PREPL: variants seen among roughly 807,000 people sequenced by gnomAD.
The protein encoded by PREPL is prolyl endopeptidase-like.
A neutral mutation model predicts 70.6 loss-of-function variants in PREPL; 77 were observed. That is an observed-to-expected ratio of 1.09 (90% CI 0.91 to 1.32). The LOEUF is 1.32. Among genes scored for constraint, PREPL ranks in the 40% most tolerant of loss-of-function variants. PREPL has a pLI of 0.00. For synonymous variants in PREPL, 315 were observed against 264.8 expected (o/e 1.19, Z -1.84); for missense variants, 1,002 against 778.2 (o/e 1.29, Z -3.42).
chr2:44,345,214 T>TA (rs112707816), intron 2 of PREPL, among the ~76,000 whole-genome samples: 7 of 152,318 alleles, frequency 4.6e-5, no homozygotes, highest in African/African-American at 1.7e-4. Flanking sequence ...TTCAGTGGCT[T>TA]ACGTTTATTA....
At chr2:44,351,625 CT>C (rs1490428207) in intron 1 of PREPL, among the ~76,000 whole-genome samples, 1 of 152,054 alleles carries the variant, frequency 6.6e-6, no homozygotes, top group East Asian at 1.9e-4. Flanking sequence ...TTGGATTTGT[CT>C]TTTTCTCTTG....
At position 44,339,465 on chromosome 2, in the gene PREPL, T is replaced by C. The variant is rs924265306; in HGVS notation, c.486-102A>G. On this transcript the variant is annotated intron_variant, in intron 5 of 13. Coordinates refer to ENST00000409411, the MANE Select transcript of PREPL (RefSeq NM_001171613.2). Reference sequence around the variant, plus strand: ...GGTGGTCAGTATACATGTTGATTTATAATGCAGATAGGAAATTAAAATAAT... The same window carrying C: ...GGTGGTCAGTATACATGTTGATTTACAATGCAGATAGGAAATTAAAATAAT... 8 of 1,447,530 alleles carry C rather than the reference T, an allele frequency of 5.5e-6. No homozygotes were observed. The African/African-American group carries it at 1.0e-4, about 18-fold the overall frequency. 89.7% of individuals were successfully genotyped at this position (1,447,530 alleles called of 1,614,324 possible). A position where few individuals can be genotyped will look rare whatever the true frequency, so the allele number is the denominator to read the frequency against.
In PREPL at chr2:44,320,873, G is replaced by GATGAC. The variant is rs1435586580; in HGVS notation, c.*478_*482dup. 1.3e-5 allele frequency: 7 copies of GATGAC among 546,466 alleles called. No individual in the cohort carries two copies. The African/African-American group carries it at 1.3e-4, about 10-fold the overall frequency. The allele number at this position is 546,466 out of a possible 1,614,324, so 33.9% of individuals were successfully genotyped here. A position where few individuals can be genotyped will look rare whatever the true frequency, so the allele number is the denominator to read the frequency against. ...CTTTATTCAGATAGCATCAATCAGGGATGACCAGAACACATTAGGACCCCA... is the reference window on the plus strand; with the variant it reads ...CTTTATTCAGATAGCATCAATCAGGGATGACATGACCAGAACACATTAGGACCCCA... On this transcript the variant is annotated 3_prime_UTR_variant, in exon 14 of 14. Coordinates refer to ENST00000409411, the MANE Select transcript of PREPL (RefSeq NM_001171613.2).
intron 9 of PREPL, among the ~76,000 whole-genome samples, chr2:44,328,423 CAA>C (rs1435482579): frequency 3.9e-4 from 9 of 23,332 alleles, no homozygotes; most frequent in Non-Finnish European, 7.3e-4. Context: ...GGCGACAAAG[CAA>C]AACTGTCTCA....
intron 1 of PREPL, 71 bp downstream of exon 1, chr2:44,361,309 C>T (rs1447070763): frequency 6.6e-6 from 1 of 151,760 alleles, no homozygotes; most frequent in African/African-American, 2.4e-5. Flanking sequence ...GACCTGGGGA[C>T]TGAGGGGTGG....
chr2:44,337,015 C>T (rs1280121232), intron 7 of PREPL, among the ~76,000 whole-genome samples: 1 of 152,136 alleles, frequency 6.6e-6, no homozygotes, highest in African/African-American at 2.4e-5. Context: ...TCAAACCATT[C>T]CCCTGCTCAA....
rs1435761787 is a variant in PREPL, at chr2:44,331,606, A to G, written c.1086+853T>C. ...TTTCTAGTTTACTCTTAATCATCCT[A>G]GTGGTCTTACCTGAGACATAACTTC... On this transcript the variant is annotated intron_variant, in intron 8 of 13. Transcript: ENST00000409411. 2.6e-5 allele frequency among the ~76,000 whole-genome samples: 4 copies of G among 152,230 alleles called. No individual in the cohort carries two copies. The East Asian group carries it at 5.8e-4, about 22-fold the overall frequency.
chr2:44,349,072 T>A (rs73927473), intron 1 of PREPL, among the ~76,000 whole-genome samples: 2 of 152,212 alleles, frequency 1.3e-5, no homozygotes, highest in African/African-American at 4.8e-5. Flanking sequence ...AAAGAAGCAC[T>A]CCTTCCCACT....
chr2:44,321,544 A>C, intron 13 of PREPL, 99 bp from the exon 14 acceptor site: 1 of 1,520,732 alleles, frequency 6.6e-7, no homozygotes, highest in East Asian at 2.4e-5. Context: ...CTAACCGTGA[A>C]GTCAGCAATT....
chr2:44,332,491 T>C lies in PREPL; in HGVS notation c.1054A>G (p.Ser352Gly). The C allele has an allele frequency of 1.2e-6, 2 of 1,614,120 alleles. No individual in the cohort carries two copies. Among genetic ancestry groups the C allele is most frequent in the South Asian group, 1.1e-5 (1 of 91,076 alleles). ...TGHEDPITKT[S>G]RVLRLEAKSK... The stretch of plus-strand genomic sequence containing the variant: ...TTGGCTTCTAGACGTAAAACGCGAC[T>C]AGTCTTTGTGATTGGGTCTTCATGC... Residue 352 changes from serine (S) to glycine (G), a missense_variant, in exon 8 of 14, where the codon AGT becomes GGT. By Grantham distance (56) the Ser-to-Gly change is moderately conservative. Transcript: ENST00000409411.
At chr2:44,351,351 T>A (rs1167662556) in intron 1 of PREPL, among the ~76,000 whole-genome samples, 6 of 152,120 alleles carry the variant, frequency 3.9e-5, no homozygotes, top group African/African-American at 1.4e-4. Flanking sequence ...AAATACCATT[T>A]ATATGCTAAG....
In PREPL at chr2:44,318,144, G is replaced by A. The variant is rs1376389181; in HGVS notation, c.*3212C>T. The A allele has an allele frequency of 2.3e-6, 1 of 440,528 alleles. No homozygotes were observed. Among genetic ancestry groups the A allele is most frequent in the Non-Finnish European group, 4.5e-6 (1 of 220,102 alleles). 27.3% of individuals were successfully genotyped at this position (440,528 alleles called of 1,614,324 possible). ...CTTGCTCCGTCACCCATGCTCGAGT[G>A]CAGTGGCGTGATCTCGGCACACTGC... On this transcript the variant is annotated 3_prime_UTR_variant, in exon 14 of 14. Coordinates refer to ENST00000409411, the MANE Select transcript of PREPL (RefSeq NM_001171613.2).
intron 1 of PREPL, among the ~76,000 whole-genome samples, chr2:44,348,287 C>G (rs696594): frequency 6.6e-6 from 1 of 152,122 alleles, no homozygotes; most frequent in African/African-American, 2.4e-5. Context: ...ACAAAATCTA[C>G]AGTTGATCTT....
intron 7 of PREPL, among the ~76,000 whole-genome samples, 173 bp downstream of exon 7, chr2:44,338,178 T>A (rs1039244724): frequency 6.6e-6 from 1 of 152,190 alleles, no homozygotes; most frequent in African/African-American, 2.4e-5. Flanking sequence ...ATCCTCTAAG[T>A]AATTCTAAGA....
upstream of PREPL, chr2:44,361,804 A>C: frequency 1.0e-6 from 1 of 988,594 alleles, no homozygotes; most frequent in Non-Finnish European, 1.3e-6. Flanking sequence ...ACCAGCAAGA[A>C]TGGTGCAATG....
chr2:44,345,541 T>G (rs1675705334), intron 2 of PREPL, among the ~76,000 whole-genome samples: 1 of 151,992 alleles, frequency 6.6e-6, no homozygotes, highest in Admixed American at 6.6e-5. Context: ...AGAGATGGGG[T>G]TTCACCATGT....
chr2:44,333,807 TATA>T (rs1457730311), intron 7 of PREPL, among the ~76,000 whole-genome samples: 18 of 152,222 alleles, frequency 1.2e-4, no homozygotes, highest in African/African-American at 3.4e-4. Flanking sequence ...GTAGCATAGT[TATA>T]AGCAAGCAAA....
At chr2:44,344,706 G>T in intron 2 of PREPL, 120 bp from the exon 3 acceptor site, 2 of 628,448 alleles carry the variant, frequency 3.2e-6, no homozygotes, top group Admixed American at 3.6e-5. Flanking sequence ...TGAAGTATAT[G>T]AATGAACACA....
chr2:44,323,129 G>C, intron 11 of PREPL, 133 bp downstream of exon 11: 1 of 905,220 alleles, frequency 1.1e-6, no homozygotes, highest in Non-Finnish European at 1.6e-6. Flanking sequence ...AGCAGAGATG[G>C]TGCTGAAGAT....
Sources: gnomAD v4.1 joint callset for allele counts (sites outside exome capture counted in the v4.1 genomes callset) on GRCh38, gnomAD v4.1.1 for gene constraint, MANE v1.5 for transcripts, NCBI Gene and HGNC (gene_info 2026-07-23, HGNC 2026-07-21) for gene names.